The following ABCC6 variants were observed in gnomAD, a reference collection of about 807,000 sequenced individuals.
ABCC6 encodes the protein ATP-binding cassette sub-family C member 6.
A neutral mutation model predicts 169.5 loss-of-function variants in ABCC6; 126 were observed. The observed-to-expected ratio is 0.74, with a 90% CI of 0.64 to 0.86. The LOEUF (loss-of-function observed/expected upper bound fraction) is 0.86, where lower values mean the gene tolerates loss of function less well. Ranked by LOEUF, ABCC6 falls within the 40% of genes least tolerant of loss-of-function variation. The pLI is 0.00. For missense variants in ABCC6, 1,733 were observed against 1,927.2 expected (o/e 0.90, Z 1.89); for synonymous variants, 752 against 814.7 (o/e 0.92, Z 1.31).
In ABCC6 at chr16:16,188,937, G is replaced by A; in HGVS notation, c.1673C>T (p.Ala558Val). The change falls in exon 13 of 31, where the codon GCC becomes GTC. Residue 558 changes from alanine (A) to valine (V), a missense_variant. Coordinates refer to ENST00000205557, the MANE Select transcript of ABCC6 (RefSeq NM_001171.6). ...TTTCTCTGCATTCATAGCATTCTCG[G>A]CCACCAGAGTGTGGACAGCAAACAC... ...LVVFAVHTLV[A>V]ENAMNAEKAF... The A allele has an allele frequency of 1.2e-6, 2 of 1,614,112 alleles. No individual in the cohort carries two copies. Among genetic ancestry groups the A allele is most frequent in the Non-Finnish European group, 1.7e-6 (2 of 1,180,024 alleles).
chr16:16,176,703 G>C (rs1046175059), intron 19 of ABCC6, among the ~76,000 whole-genome samples: 7 of 152,136 alleles, frequency 4.6e-5, no homozygotes, highest in Non-Finnish European at 5.9e-5. Flanking sequence ...TAGTGTAGAG[G>C]GTAGCAATTA....
chr16:16,169,874 A>C (rs1329117918), intron 21 of ABCC6, 21 bp from the exon 22 acceptor site: 1 of 1,549,288 alleles, frequency 6.5e-7, no homozygotes, highest in South Asian at 1.2e-5. Flanking sequence ...CATGAGGGAG[A>C]GGGAGGCAGA....
chr16:16,161,191 A>G (rs1272956497), intron 25 of ABCC6, among the ~76,000 whole-genome samples: 1 of 152,240 alleles, frequency 6.6e-6, no homozygotes, highest in East Asian at 1.9e-4. Context: ...CATCAGAAGT[A>G]GTGGGATTTC....
chr16:16,182,914 G>A lies in ABCC6; in HGVS notation c.1960C>T (p.Pro654Ser). Residue 654 changes from proline (P) to serine (S), a missense_variant, in exon 16 of 31, where the codon CCC (proline) becomes TCC (serine). By Grantham distance (74) the Pro-to-Ser change is moderately conservative. This residue lies in a region of ABCC6 where 1,601 missense variants were observed against 1,635.5 expected (regional missense o/e 0.98). Transcript: ENST00000205557. ...ACAACAGCCAGCAGACAGCCCTGGG[G>A]CACCGTGAGGTTTATTCTGGACACG... ...PCLHRINLTV[P>S]QGCLLAVVGP... 1 of 1,614,140 alleles carries A rather than the reference G, an allele frequency of 6.2e-7. No homozygotes were observed. The highest frequency in any genetic ancestry group is 8.5e-7 in the Non-Finnish European group (1 of 1,179,992).
In ABCC6 at chr16:16,182,530, T is replaced by C. The variant is rs906566275; in HGVS notation, c.2129A>G (p.Asn710Ser). 1.2e-6 allele frequency: 2 copies of C among 1,614,154 alleles called. No individual in the cohort carries two copies. The highest frequency in any genetic ancestry group is 3.3e-5 in the Admixed American group (2 of 60,026). ...GTCCAGCTCCTGCCCGAAGCACACATTCTCTACCACAGAGGTGTTCTGCAC... is the reference window on the plus strand; with the variant it reads ...GTCCAGCTCCTGCCCGAAGCACACACTCTCTACCACAGAGGTGTTCTGCAC... Reference protein sequence around the residue: ...AWVQNTSVVENVCFGQELDPP... With the variant: ...AWVQNTSVVESVCFGQELDPP... The change falls in exon 17 of 31, where the codon AAT becomes AGT. Residue 710 changes from asparagine to serine, a missense_variant. This residue lies in a region of ABCC6 where 1,601 missense variants were observed against 1,635.5 expected (regional missense o/e 0.98). Coordinates refer to ENST00000205557, the MANE Select transcript of ABCC6 (RefSeq NM_001171.6).
At chr16:16,182,987 G>T in intron 15 of ABCC6, 57 bp from the exon 16 acceptor site, 1 of 1,613,928 alleles carries the variant, frequency 6.2e-7, no homozygotes, top group Non-Finnish European at 8.5e-7. Context: ...GCCTCTGTGA[G>T]GAAGGATGAG....
intron 14 of ABCC6, among the ~76,000 whole-genome samples, chr16:16,185,322 G>A (rs542983440): frequency 3.3e-5 from 5 of 152,294 alleles, no homozygotes; most frequent in African/African-American, 9.6e-5. Context: ...ATTGGAACAC[G>A]GCCACATCCA....
chr16:16,208,604 C>A, intron 7 of ABCC6, 124 bp downstream of exon 7: 2 of 1,504,194 alleles, frequency 1.3e-6, no homozygotes, highest in South Asian at 2.3e-5. Context: ...GAACTCCTGA[C>A]CTTGTGATCC....
Position 16,161,318 on chromosome 16 carries a change from G to A in ABCC6, c.3633+120C>T, listed in dbSNP as rs538940210. ...TAGAGCTGCGTGTCCCTCCTTGGTG[G>A]AGGGACTCCACACACCATGTTGGTT... On this transcript the variant is annotated intron_variant, in intron 25 of 30. Coordinates refer to ENST00000205557, the MANE Select transcript of ABCC6 (RefSeq NM_001171.6). 8.6e-5 allele frequency: 127 copies of A among 1,468,504 alleles called. 1 individual carries two copies. The South Asian group carries it at 1.4e-3, about 16-fold the overall frequency. The allele number at this position is 1,468,504 out of a possible 1,614,324, so 91.0% of individuals were successfully genotyped here.
rs879791059 is a variant in ABCC6, at chr16:16,165,671, C to CAG, written c.3256_3257dup (p.Ala1087TrpfsTer27). 4 of 1,612,516 alleles carry CAG rather than the reference C, an allele frequency of 2.5e-6. 1 individual carries two copies. Among genetic ancestry groups the CAG allele is most frequent in the Non-Finnish European group, 3.4e-6 (4 of 1,179,976 alleles). On this transcript the variant is annotated frameshift_variant, in exon 23 of 31. Coordinates refer to ENST00000205557, the MANE Select transcript of ABCC6 (RefSeq NM_001171.6). LOFTEE classifies it high-confidence loss of function. ...ACAGTGGCAGGATGGCCACAGTGGC[C>CAG]AGTGGGGTAGCCACTGCCACCACCA...
rs2047374890 is a variant in ABCC6 at position 16,178,821 on chromosome 16, G to T, written c.2392C>A (p.Pro798Thr). Reference sequence around the variant, plus strand: ...ACTGTTCCCTGGAGTAGTCCACCAGGCCCAATGACCTGGTTGAAGACATGC... The same window carrying T: ...ACTGTTCCCTGGAGTAGTCCACCAGTCCCAATGACCTGGTTGAAGACATGC... ...GQHVFNQVIG[P>T]GGLLQGTTRI... Residue 798 changes from proline (P) to threonine (T), a missense_variant, in exon 18 of 31, where the codon CCT becomes ACT. By Grantham distance (38) the Pro-to-Thr change is conservative. Around this residue, in one of 5 missense-constraint regions of ABCC6, gnomAD observed 1,601 missense variants for 1,635.5 expected, o/e 0.98. Coordinates refer to ENST00000205557, the MANE Select transcript of ABCC6 (RefSeq NM_001171.6). The T allele has an allele frequency of 6.2e-7, 1 of 1,613,688 alleles. No individual in the cohort carries two copies. The highest frequency in any genetic ancestry group is 1.3e-5 in the African/African-American group (1 of 74,912).
Position 16,182,505 on chromosome 16 carries a change from G to A in ABCC6, c.2154C>T (p.Asp718=), listed in dbSNP as rs1246666692. 6.2e-7 allele frequency: 1 copy of A among 1,614,080 alleles called. No homozygotes were observed. The highest frequency in any genetic ancestry group is 1.3e-5 in the African/African-American group (1 of 74,930). ...CTAGTACTCTCTCCAGCCAGGGTGG[G>A]TCCAGCTCCTGCCCGAAGCACACAT... is the stretch of plus-strand genomic sequence containing the variant. ...VENVCFGQEL[D]PPWLERVLEA... is the part of the protein sequence containing the mutation. The change falls in exon 17 of 31, where the codon GAC becomes GAT. Residue 718 remains aspartate (D), a synonymous_variant. Transcript: ENST00000205557.
At position 16,173,700 on chromosome 16, in the gene ABCC6, T is replaced by TTTC. The variant is rs2047183568; in HGVS notation, c.2667-297_2667-296insGAA. ...GAACTCTGTTCTCAGAATTTTCTTT[T>TTTC]TTTTTTTTTTTTGAGATGGGGTCTT... On this transcript the variant is annotated intron_variant, in intron 20 of 30. Transcript: ENST00000205557. 1.7e-4 allele frequency among the ~76,000 whole-genome samples: 13 copies of TTTC among 76,082 alleles called. No individual in the cohort carries two copies. The South Asian group carries it at 3.9e-3, about 23-fold the overall frequency. 49.9% of individuals were successfully genotyped at this position (76,082 alleles called of 152,430 possible). A position where few individuals can be genotyped will look rare whatever the true frequency, so the allele number is the denominator to read the frequency against.
At chr16:16,213,201 T>C (rs1312973608) in intron 5 of ABCC6, among the ~76,000 whole-genome samples, 1 of 152,072 alleles carries the variant, frequency 6.6e-6, no homozygotes, top group East Asian at 1.9e-4. Context: ...CCTCCTGCTT[T>C]AGTCTCCACA....
chr16:16,165,474 G>T, intron 23 of ABCC6, 149 bp downstream of exon 23: 1 of 786,444 alleles, frequency 1.3e-6, no homozygotes, highest in Non-Finnish European at 2.1e-6. Flanking sequence ...ATACCAGAAA[G>T]ACTGTAGTGT....
rs763835044 is a variant in ABCC6, at chr16:16,163,221, G to A, written c.3307-29C>T. 1.2e-5 allele frequency: 19 copies of A among 1,605,628 alleles called. 1 individual carries two copies. Among genetic ancestry groups the A allele is most frequent in the Non-Finnish European group, 1.5e-5 (18 of 1,175,750 alleles). On this transcript the variant is annotated intron_variant, in intron 23 of 30. Transcript: ENST00000205557. ...AGAAGGATGGATGGGAGAGGGAAGA[G>A]GAGAAGCCACAGACATAGAGAGGTA...
At chr16:16,210,228 C>T (rs1206205737) in intron 6 of ABCC6, among the ~76,000 whole-genome samples, 1 of 151,384 alleles carries the variant, frequency 6.6e-6, no homozygotes, top group African/African-American at 2.4e-5. Flanking sequence ...CCTCCACCTC[C>T]TGGGTTCAAG....
At chr16:16,197,504 G>C (rs1320802265) in intron 10 of ABCC6, among the ~76,000 whole-genome samples, 1 of 151,250 alleles carries the variant, frequency 6.6e-6, no homozygotes, top group Non-Finnish European at 1.5e-5. Context: ...AGAGGGAAGA[G>C]AGGGAGGACG....
At chr16:16,171,048 A>G (rs1323421544) in intron 21 of ABCC6, among the ~76,000 whole-genome samples, 1 of 150,676 alleles carries the variant, frequency 6.6e-6, no homozygotes, top group African/African-American at 2.4e-5. Flanking sequence ...ACCCTAAGCT[A>G]CTTCCCACCT....
Sources: allele counts gnomAD v4.1 joint callset (sites outside exome capture counted in the v4.1 genomes callset), GRCh38; gene constraint gnomAD v4.1.1; regional missense constraint gnomAD v4.1.1; transcripts MANE v1.5; gene names NCBI Gene and HGNC (gene_info 2026-07-23, HGNC 2026-07-21).